The following CPA5 variants were observed in gnomAD, a reference collection of about 807,000 sequenced individuals.
CPA5 encodes the protein carboxypeptidase A5.
A neutral mutation model predicts 52.2 loss-of-function variants in CPA5; 38 were observed. That is an observed-to-expected ratio of 0.73 (90% CI 0.56 to 0.95). The LOEUF (loss-of-function observed/expected upper bound fraction) is 0.95. Ranked by LOEUF, CPA5 falls within the 40% of genes least tolerant of loss-of-function variation. CPA5 has a pLI of 0.00. For synonymous variants in CPA5, 198 were observed against 213.7 expected (o/e 0.93, Z 0.64); for missense variants, 519 against 566.7 (o/e 0.92, Z 0.86).
intron 1 of CPA5, chr7:130,345,627 C>T (rs1210096726): frequency 6.6e-6 from 1 of 152,218 alleles, no homozygotes; most frequent in African/African-American, 2.4e-5. Context: ...AGAAAACCCA[C>T]TGTCTGTGCT....
intron 5 of CPA5, among the ~76,000 whole-genome samples, chr7:130,357,852 G>A (rs17164835): frequency 0.016 from 2,385 of 152,122 alleles, 55 homozygotes; most frequent in African/African-American, 0.054. Context: ...GTACAATGGA[G>A]TTTTTAGCTG....
At chr7:130,358,330 T>C (rs1189898301) in intron 5 of CPA5, among the ~76,000 whole-genome samples, 11 of 152,098 alleles carry the variant, frequency 7.2e-5, no homozygotes. Context: ...GGCCTTTAGT[T>C]TTGATAGTTG....
intron 5 of CPA5, among the ~76,000 whole-genome samples, chr7:130,353,746 T>C (rs1795316993): frequency 6.6e-6 from 1 of 152,116 alleles, no homozygotes. Flanking sequence ...TCCAGTTGCT[T>C]TCTAACTGCT....
At position 130,351,871 on chromosome 7, in the gene CPA5, G is replaced by T. The variant is rs181637337; in HGVS notation, c.333+1762G>T. On this transcript the variant is annotated intron_variant, in intron 5 of 12. Transcript: ENST00000474905. ...CCTGCAGGGTGGGCCCTCTGCGGTT[G>T]TCTGCTGAATGACTTGCTCGGTTGG... Among the ~76,000 whole-genome samples the T allele has an allele frequency of 1.5e-4, 23 of 152,234 alleles. No homozygotes were observed. In the East Asian group the frequency reaches 1.7e-3, roughly 12 times the overall value.
At chr7:130,357,288 G>A (rs922970624) in intron 5 of CPA5, among the ~76,000 whole-genome samples, 2 of 152,110 alleles carry the variant, frequency 1.3e-5, no homozygotes, top group Non-Finnish European at 2.9e-5. Flanking sequence ...CAGGTGGGGC[G>A]GGGAGGGACA....
intron 5 of CPA5, among the ~76,000 whole-genome samples, chr7:130,359,378 T>C (rs1236754832): frequency 6.6e-6 from 1 of 152,152 alleles, no homozygotes; most frequent in Non-Finnish European, 1.5e-5. Context: ...CTGTGATCAT[T>C]TGGGAAATGG....
In CPA5 at chr7:130,368,001, C is replaced by T. The variant is rs782793959; in HGVS notation, c.1123+11C>T. The T allele has an allele frequency of 3.1e-6, 5 of 1,611,852 alleles. No homozygotes were observed. The African/African-American group carries it at 4.0e-5, about 13-fold the overall frequency. ...TCAGCACCACCCTCTGTGAGTGAGC[C>T]TCCCCTGGCCCTGCTTCAGACACCA... On this transcript the variant is annotated intron_variant, in intron 12 of 12. Transcript: ENST00000474905.
chr7:130,363,788 C>T (rs1340689512), intron 10 of CPA5, among the ~76,000 whole-genome samples: 2 of 152,172 alleles, frequency 1.3e-5, no homozygotes, highest in Non-Finnish European at 2.9e-5. Context: ...GGACTAACTG[C>T]ATGAGTCAAA....
chr7:130,367,781 G>C, intron 11 of CPA5, 125 bp from the exon 12 acceptor site: 1 of 902,088 alleles, frequency 1.1e-6, no homozygotes, highest in Non-Finnish European at 1.8e-6. Context: ...TTCTCACAAG[G>C]GCCATCTCCA....
intron 4 of CPA5, among the ~76,000 whole-genome samples, chr7:130,349,222 C>T (rs1177847818): frequency 3.3e-5 from 5 of 152,080 alleles, no homozygotes; most frequent in African/African-American, 7.2e-5. Context: ...CATCTGAGGT[C>T]GGGAGTTCAA....
chr7:130,349,058 C>T (rs1794961431), intron 4 of CPA5, among the ~76,000 whole-genome samples: 2 of 152,130 alleles, frequency 1.3e-5, no homozygotes, highest in Admixed American at 6.5e-5. Context: ...CCCCAAAGCG[C>T]AAGAGTAGTG....
chr7:130,360,751 A>G (rs1457274250), intron 6 of CPA5, among the ~76,000 whole-genome samples: 1 of 152,256 alleles, frequency 6.6e-6, no homozygotes, highest in Non-Finnish European at 1.5e-5. Flanking sequence ...GCGAGAAGAT[A>G]AAAACAACAC....
chr7:130,352,367 AG>A (rs71178579), intron 5 of CPA5, among the ~76,000 whole-genome samples: 29,619 of 151,682 alleles, frequency 0.2, 3,660 homozygotes, highest in Admixed American at 0.3. Context: ...CCGGGGATGG[AG>A]GGGGGTAAAT....
downstream of CPA5, among the ~76,000 whole-genome samples, chr7:130,373,604 C>G (rs377729258): frequency 1.3e-5 from 2 of 152,356 alleles, no homozygotes; most frequent in South Asian, 2.1e-4. Context: ...CTTCACACCC[C>G]GATCCTCCTC....
At position 130,347,805 on chromosome 7, in the gene CPA5, G is replaced by T. The variant is rs547386551; in HGVS notation, c.156G>T (p.Gln52His). ...VLRVLAKDEK[Q>H]LSLLGDLEGL... is the part of the protein sequence containing the mutation. ...GAGTCCTGGCCAAAGATGAGAAGCA[G>T]CTTTCACTTCTCGGGGATCTGGAGG... Residue 52 changes from glutamine to histidine, a missense_variant, in exon 4 of 13, where the codon CAG (glutamine) becomes CAT (histidine). Physicochemically the swap from Gln to His is conservative, Grantham distance 24 (BLOSUM62 0). Transcript: ENST00000474905. 5.0e-6 allele frequency: 8 copies of T among 1,614,106 alleles called. No homozygotes were observed. Among genetic ancestry groups the T allele is most frequent in the Admixed American group, 1.7e-5 (1 of 60,016 alleles).
rs781964115 is a variant in CPA5 at position 130,368,585 on chromosome 7, T to C, written c.1299T>C (p.Asn433=). ...ALRTIMEHTL[N]HPY ...GGACCATCATGGAGCACACCCTGAA[T>C]CACCCCTACTAGCAGCACGACTGAG... The change falls in exon 13 of 13, where the codon AAT becomes AAC. Residue 433 remains asparagine, a synonymous_variant. Transcript: ENST00000474905. 1.2e-6 allele frequency: 2 copies of C among 1,613,980 alleles called. No homozygotes were observed. Among genetic ancestry groups the C allele is most frequent in the South Asian group, 2.2e-5 (2 of 91,070 alleles).
intron 5 of CPA5, among the ~76,000 whole-genome samples, chr7:130,354,703 G>A (rs1318169467): frequency 6.6e-6 from 1 of 151,898 alleles, no homozygotes; most frequent in African/African-American, 2.4e-5. Flanking sequence ...CGTGAACCAC[G>A]AGAGGTTTTT....
rs1795039245 is a variant in CPA5, at chr7:130,350,122, C to G, written c.333+13C>G. On this transcript the variant is annotated intron_variant, in intron 5 of 12. Coordinates refer to ENST00000474905, the MANE Select transcript of CPA5 (RefSeq NM_080385.5). The stretch of plus-strand genomic sequence containing the variant: ...AAAGGACATCCAGGTGAAGCCCTGC[C>G]CCAGCTGGGACCCTGCCTTCCGCCT... The G allele has an allele frequency of 1.1e-5, 17 of 1,606,966 alleles. No homozygotes were observed. The highest frequency in any genetic ancestry group is 1.4e-5 in the Non-Finnish European group (17 of 1,177,676).
At position 130,359,620 on chromosome 7, in the gene CPA5, C is replaced by T. The variant is rs782749167; in HGVS notation, c.365C>T (p.Ala122Val). Residue 122 changes from alanine to valine, a missense_variant, in exon 6 of 13, where the codon GCG (alanine) becomes GTG (valine). By Grantham distance (64) the Ala-to-Val change is moderately conservative (BLOSUM62 0). Coordinates refer to ENST00000474905, the MANE Select transcript of CPA5 (RefSeq NM_080385.5). ...VLLDEERQAM[A>V]KSRRLERSTN... ...CTGGATGAGGAAAGACAGGCCATGG[C>T]GAAATCCCGCCGGCTGGAGCGCAGC... is the stretch of plus-strand genomic sequence containing the variant. 2.9e-5 allele frequency: 45 copies of T among 1,575,416 alleles called. No individual in the cohort carries two copies. Among genetic ancestry groups the T allele is most frequent in the East Asian group, 1.6e-4 (7 of 43,356 alleles).
Sources: allele counts gnomAD v4.1 joint callset (sites outside exome capture counted in the v4.1 genomes callset), GRCh38; gene constraint gnomAD v4.1.1; transcripts MANE v1.5; gene names NCBI Gene and HGNC (gene_info 2026-07-23, HGNC 2026-07-21).